The following CNNM1 variants were observed in gnomAD, a reference collection of about 807,000 sequenced individuals.
The protein encoded by CNNM1 is cyclin and CBS domain divalent metal cation transport mediator 1.
In CNNM1, 44 loss-of-function variants were observed where a neutral mutation model predicts 78.8. The observed-to-expected ratio is 0.56, with a 90% CI of 0.44 to 0.72. CNNM1 has a LOEUF of 0.72. CNNM1 is among the 30% of genes least tolerant of loss of function. The pLI is 0.00. For synonymous variants in CNNM1, 584 were observed against 581.5 expected, an observed-to-expected ratio of 1.00 and a Z score of -0.06; for missense variants, 1,101 against 1,292.2, an observed-to-expected ratio of 0.85 and a Z score of 2.27.
In CNNM1 at chr10:99,388,213, G is replaced by A. The variant is rs763706272; in HGVS notation, c.2586G>A (p.Leu862=). 4.3e-6 allele frequency: 7 copies of A among 1,613,870 alleles called. No homozygotes were observed. The highest frequency in any genetic ancestry group is 5.9e-6 in the Non-Finnish European group (7 of 1,179,896). Residue 862 remains leucine (L), a synonymous_variant, in exon 9 of 11, where the codon CTG becomes CTA. Transcript: ENST00000356713. ...TAGTGTACCTGAGGATGGAGGAGCT[G>A]GCCTTCACCCAGGAAGAAATGACTG... ...SEVVYLRMEE[L]AFTQEEMTDF...
At chr10:99,356,562 C>CAGACAGAAAGAAAGAAAGAAAGAAA in intron 1 of CNNM1, among the ~76,000 whole-genome samples, 1 of 98,444 alleles carries the variant, frequency 1.0e-5, no homozygotes, top group African/African-American at 4.0e-5. Flanking sequence ...GACAGACAGA[C>CAGACAGAAAGAAAGAAAGAAAGAAA]AGAAAGAAAG....
intron 7 of CNNM1, among the ~76,000 whole-genome samples, chr10:99,379,755 A>G (rs1348132149): frequency 2.6e-5 from 4 of 151,410 alleles, no homozygotes; most frequent in African/African-American, 9.7e-5. Context: ...ATGTGATTAC[A>G]GGCATGAGCC....
At chr10:99,361,846 C>A (rs2031444305) in intron 3 of CNNM1, among the ~76,000 whole-genome samples, 1 of 152,098 alleles carries the variant, frequency 6.6e-6, no homozygotes, top group Non-Finnish European at 1.5e-5. Flanking sequence ...TACAAATAAG[C>A]CAGATTAAAT....
intron 6 of CNNM1, among the ~76,000 whole-genome samples, chr10:99,365,306 T>G (rs1228779408): frequency 2.6e-5 from 4 of 152,212 alleles, no homozygotes; most frequent in African/African-American, 9.6e-5. Context: ...AGGTGATTTG[T>G]GTGCTTGGGC....
In CNNM1 at chr10:99,347,926, C is replaced by T. The variant is rs930406059; in HGVS notation, c.1574-9586C>T. Among the ~76,000 whole-genome samples the T allele has an allele frequency of 3.9e-5, 6 of 152,068 alleles. No individual in the cohort carries two copies. The South Asian group carries it at 8.3e-4, about 21-fold the overall frequency. On this transcript the variant is annotated intron_variant, in intron 1 of 10. Transcript: ENST00000356713. The stretch of plus-strand genomic sequence containing the variant: ...CCGTCTCCCTTCCCTAAAATTGTAA[C>T]ACCTGTTCTCTCACTCCCACACACT...
chr10:99,380,719 A>G (rs2032117240), intron 7 of CNNM1, among the ~76,000 whole-genome samples: 1 of 151,704 alleles, frequency 6.6e-6, no homozygotes, highest in Non-Finnish European at 1.5e-5. Context: ...TGAACCTGGG[A>G]GGCGGAGGTG....
intron 1 of CNNM1, among the ~76,000 whole-genome samples, chr10:99,353,925 C>T (rs11190064): frequency 0.45 from 68,960 of 151,860 alleles, 18,567 homozygotes; most frequent in Non-Finnish European, 0.6. Context: ...AAGTGTAGAG[C>T]AATGGTGGTT....
chr10:99,391,513 A>G lies in CNNM1; in HGVS notation c.2853A>G (p.Thr951=). The G allele has an allele frequency of 1.2e-6, 2 of 1,613,342 alleles. No homozygotes were observed. Among genetic ancestry groups the G allele is most frequent in the Non-Finnish European group, 1.7e-6 (2 of 1,179,404 alleles). ...EDNSNLTPLI[T] is the part of the protein sequence containing the mutation. The stretch of plus-strand genomic sequence containing the variant: ...ACTCCAATTTAACACCTCTGATCAC[A>G]TGACAGGGCAAAGCCAGCATTCACT... The change falls in exon 11 of 11, where the codon ACA becomes ACG. Residue 951 remains threonine, a synonymous_variant. Coordinates refer to ENST00000356713, the MANE Select transcript of CNNM1 (RefSeq NM_020348.3).
chr10:99,391,416 C>G, intron 10 of CNNM1, 21 bp from the exon 11 acceptor site: 1 of 1,602,424 alleles, frequency 6.2e-7, no homozygotes, highest in East Asian at 2.2e-5. Context: ...CAGGCTGATA[C>G]TTGCAACTTG....
chr10:99,388,006 A>G lies in CNNM1; in HGVS notation c.2524+3A>G, dbSNP rs769970837. ...CAACAACAGGAACAGCCTGCCGTGT[A>G]AGTCAGCTGGGCAGACGGGCAGGCT... On this transcript the variant is annotated splice_donor_region_variant and intron_variant, in intron 8 of 10. Coordinates refer to ENST00000356713, the MANE Select transcript of CNNM1 (RefSeq NM_020348.3). 6.3e-7 allele frequency: 1 copy of G among 1,585,514 alleles called. No homozygotes were observed. Among genetic ancestry groups the G allele is most frequent in the Admixed American group, 1.7e-5 (1 of 57,342 alleles).
Position 99,330,455 on chromosome 10 carries a change from G to T in CNNM1, c.1068G>T (p.Ser356=), listed in dbSNP as rs1328321165. The T allele has an allele frequency of 1.9e-6, 3 of 1,588,946 alleles. No individual in the cohort carries two copies. The highest frequency in any genetic ancestry group is 1.1e-5 in the South Asian group (1 of 87,442). ...VCSRHGLAIA[S]HSVCLTRLLM... is the part of the protein sequence containing the mutation. The stretch of plus-strand genomic sequence containing the variant: ...CGCGGCACGGGCTGGCCATCGCCTC[G>T]CACAGCGTGTGCCTGACCCGGCTTC... The change falls in exon 1 of 11, where the codon TCG becomes TCT. Residue 356 remains serine (S), a synonymous_variant. Coordinates refer to ENST00000356713, the MANE Select transcript of CNNM1 (RefSeq NM_020348.3).
intron 6 of CNNM1, among the ~76,000 whole-genome samples, chr10:99,375,039 G>A (rs1455221381): frequency 1.3e-5 from 2 of 152,164 alleles, no homozygotes; most frequent in Non-Finnish European, 2.9e-5. Context: ...GCCATTAGCT[G>A]AGGCGGGAGG....
chr10:99,354,690 T>C (rs950742377), intron 1 of CNNM1, among the ~76,000 whole-genome samples: 1 of 152,092 alleles, frequency 6.6e-6, no homozygotes, highest in African/African-American at 2.4e-5. Flanking sequence ...GTACCTGGGC[T>C]AGAGCTCAAA....
chr10:99,364,560 G>A (rs1425780655), intron 5 of CNNM1, 44 bp downstream of exon 5: 1 of 1,486,798 alleles, frequency 6.7e-7, no homozygotes, highest in Admixed American at 2.0e-5. Flanking sequence ...AATGGGATAT[G>A]GTAGAAAAAG....
intron 7 of CNNM1, among the ~76,000 whole-genome samples, chr10:99,377,852 G>A (rs1210000226): frequency 2.6e-5 from 4 of 152,050 alleles, no homozygotes; most frequent in African/African-American, 9.7e-5. Flanking sequence ...AAAGGCTCAT[G>A]GCCTCATAAT....
chr10:99,357,610 G>A lies in CNNM1; in HGVS notation c.1672G>A (p.Glu558Lys). ...CATTGTCACGCTGGAGGATATCATA[G>A]AGGAGATTATCAAGTCGGAGATCCT... is the stretch of plus-strand genomic sequence containing the variant. ...MGIVTLEDII[E>K]EIIKSEILDE... The change falls in exon 2 of 11, where the codon GAG (glutamate) becomes AAG (lysine). Residue 558 changes from glutamate (E) to lysine (K), a missense_variant. Transcript: ENST00000356713. The A allele has an allele frequency of 6.2e-7, 1 of 1,613,614 alleles. No homozygotes were observed. Among genetic ancestry groups the A allele is most frequent in the Non-Finnish European group, 8.5e-7 (1 of 1,179,686 alleles).
At chr10:99,387,671 G>C in intron 7 of CNNM1, 149 bp from the exon 8 acceptor site, 1 of 693,292 alleles carries the variant, frequency 1.4e-6, no homozygotes, top group South Asian at 2.2e-5. Context: ...CTGCTACAGC[G>C]TGGGTAAGGC....
At chr10:99,356,550 C>CAGAAAGAAAGAA (rs1311718739) in intron 1 of CNNM1, among the ~76,000 whole-genome samples, 86 of 41,724 alleles carry the variant, frequency 2.1e-3, no homozygotes, top group African/African-American at 3.8e-3. Flanking sequence ...GACAGACAGA[C>CAGAAAGAAAGAA]AGACAGACAG....
intron 6 of CNNM1, among the ~76,000 whole-genome samples, chr10:99,375,556 G>T (rs1022689371): frequency 6.6e-6 from 1 of 152,198 alleles, no homozygotes; most frequent in African/African-American, 2.4e-5. Context: ...GATGATTATG[G>T]TTCTAATGAG....
Sources: gnomAD v4.1 joint callset for allele counts (sites outside exome capture counted in the v4.1 genomes callset) on GRCh38, gnomAD v4.1.1 for gene constraint, MANE v1.5 for transcripts, NCBI Gene and HGNC (gene_info 2026-07-23, HGNC 2026-07-21) for gene names.